Variants in CCDC136 observed in about 807,000 individuals in gnomAD.
CCDC136 encodes coiled-coil domain containing 136.
A neutral mutation model predicts 141.2 loss-of-function variants in CCDC136; 100 were observed. The observed-to-expected ratio is 0.71, with a 90% CI of 0.60 to 0.84. The LOEUF is 0.84. Ranked by LOEUF, CCDC136 falls within the 40% of genes least tolerant of loss-of-function variation. CCDC136 has a pLI of 0.00. For missense variants in CCDC136, 1,206 were observed against 1,379.4 expected, an observed-to-expected ratio of 0.87 and a Z score of 1.99; for synonymous variants, 474 against 531.9, an observed-to-expected ratio of 0.89 and a Z score of 1.50.
chr7:128,814,280 T>G (rs752801724), intron 14 of CCDC136, among the ~76,000 whole-genome samples: 11 of 152,040 alleles, frequency 7.2e-5, no homozygotes, highest in Non-Finnish European at 1.6e-4. Context: ...GACATGGGGT[T>G]TCACCATGTT....
At chr7:128,811,015 A>G (rs1340263949) in intron 12 of CCDC136, among the ~76,000 whole-genome samples, 1 of 152,170 alleles carries the variant, frequency 6.6e-6, no homozygotes, top group East Asian at 1.9e-4. Context: ...ATCACCATAC[A>G]ATTCTCTTCA....
Position 128,812,055 on chromosome 7 carries a change from T to TA in CCDC136, c.2285dup (p.Tyr762Ter). Residue 762 changes from tyrosine (Y) to a stop codon, truncating the protein, a stop_gained and frameshift_variant, in exon 13 of 18, where the codon TAT becomes TAAT. Transcript: ENST00000297788. LOFTEE classifies it high-confidence loss of function. ...VPSNENCRKT[Y>*]DTTVDDNESY... ...CAGCAATGAGAACTGTCGCAAGACT[T>TA]ATGATACCACTGTGGATGACAATGA... is the stretch of plus-strand genomic sequence containing the variant. The TA allele has an allele frequency of 1.2e-6, 2 of 1,614,024 alleles. No homozygotes were observed. The highest frequency in any genetic ancestry group is 1.7e-6 in the Non-Finnish European group (2 of 1,179,890).
intron 3 of CCDC136, among the ~76,000 whole-genome samples, chr7:128,799,418 T>C (rs1158108555): frequency 6.6e-6 from 1 of 151,950 alleles, no homozygotes; most frequent in Non-Finnish European, 1.5e-5. Flanking sequence ...AAAAGTTTGT[T>C]GAATAGATGA....
chr7:128,807,809 T>G, intron 10 of CCDC136: 1 of 254,576 alleles, frequency 3.9e-6, no homozygotes. Flanking sequence ...TATGTAGACA[T>G]TTATACAATG....
intron 1 of CCDC136, among the ~76,000 whole-genome samples, chr7:128,793,236 C>T (rs1802460357): frequency 6.6e-6 from 1 of 152,196 alleles, no homozygotes; most frequent in African/African-American, 2.4e-5. Context: ...GTGCTCACAA[C>T]CAGAGGCTGG....
At chr7:128,799,885 A>G (rs1365698380) in intron 3 of CCDC136, among the ~76,000 whole-genome samples, 1 of 152,218 alleles carries the variant, frequency 6.6e-6, no homozygotes, top group African/African-American at 2.4e-5. Flanking sequence ...AGATGGGTAC[A>G]TGTGTCTAGA....
At chr7:128,812,494 A>G (rs912369348) in intron 13 of CCDC136, among the ~76,000 whole-genome samples, 182 bp downstream of exon 13, 1 of 152,076 alleles carries the variant, frequency 6.6e-6, no homozygotes, top group African/African-American at 2.4e-5. Context: ...GCCCTCTCAT[A>G]GAGAGAATCC....
intron 12 of CCDC136, among the ~76,000 whole-genome samples, chr7:128,810,650 A>T (rs1281539728): frequency 1.3e-5 from 2 of 152,252 alleles, no homozygotes; most frequent in African/African-American, 4.8e-5. Context: ...AGCTGGGATG[A>T]CCAGAAGTCT....
Position 128,805,466 on chromosome 7 carries a change from A to G in CCDC136, c.890A>G (p.Gln297Arg). The G allele has an allele frequency of 6.2e-7, 1 of 1,613,988 alleles. No homozygotes were observed. Among genetic ancestry groups the G allele is most frequent in the Non-Finnish European group, 8.5e-7 (1 of 1,179,848 alleles). The change falls in exon 6 of 18, where the codon CAG becomes CGG. Residue 297 changes from glutamine (Q) to arginine (R), a missense_variant. Coordinates refer to ENST00000297788, the MANE Select transcript of CCDC136 (RefSeq NM_022742.5). The surrounding 1 kb of genome is among the most constrained non-coding windows in gnomAD (Gnocchi z 4.6). ...MDFLEPDPEM[Q>R]LLRQQLRDAE... is the part of the protein sequence containing the mutation. ...TTCTTAGAGCCTGATCCTGAAATGC[A>G]GTTGTTACGGCAGCAGCTACGGGAT...
At chr7:128,791,740 G>A, upstream of CCDC136, 1 of 417,042 alleles carries the variant, frequency 2.4e-6, no homozygotes, top group African/African-American at 2.0e-5. This position sits in a 1 kb window ranked among gnomAD's most constrained non-coding sequence, Gnocchi z 7.1. Context: ...AGGCTTCCGC[G>A]CACCGGCCGC....
chr7:128,797,039 C>T (rs1803140164), intron 3 of CCDC136, among the ~76,000 whole-genome samples: 1 of 152,070 alleles, frequency 6.6e-6, no homozygotes, highest in Non-Finnish European at 1.5e-5. Flanking sequence ...CCGCGCCCGG[C>T]CCAGAATATA....
chr7:128,812,966 G>C (rs749479967), intron 14 of CCDC136, 37 bp downstream of exon 14: 9 of 1,437,378 alleles, frequency 6.3e-6, no homozygotes, highest in Admixed American at 5.8e-5. Flanking sequence ...TCCTCTGGCA[G>C]CCCCTGGAGC....
rs1226943152 is a variant in CCDC136, at chr7:128,791,980, G to A, written c.-432G>A. 3 of 1,159,290 alleles carry A rather than the reference G, an allele frequency of 2.6e-6. No individual in the cohort carries two copies. In the East Asian group the frequency reaches 1.4e-4, roughly 55 times the overall value. The allele number at this position is 1,159,290 out of a possible 1,614,324, so 71.8% of individuals were successfully genotyped here. A position where few individuals can be genotyped will look rare whatever the true frequency, so the allele number is the denominator to read the frequency against. On this transcript the variant is annotated 5_prime_UTR_variant, in exon 1 of 18. Coordinates refer to ENST00000297788, the MANE Select transcript of CCDC136 (RefSeq NM_022742.5). This position sits in a 1 kb window ranked among gnomAD's most constrained non-coding sequence, Gnocchi z 7.1. ...CACTCCTCCCTCCCTCCATCTGTAGGCCACCTCAGCCTTTCAGCCTCTTCT... is the reference window on the plus strand; with the variant it reads ...CACTCCTCCCTCCCTCCATCTGTAGACCACCTCAGCCTTTCAGCCTCTTCT...
At chr7:128,795,358 C>T (rs1320583461) in intron 3 of CCDC136, among the ~76,000 whole-genome samples, 1 of 152,138 alleles carries the variant, frequency 6.6e-6, no homozygotes, top group Non-Finnish European at 1.5e-5. Context: ...CATTCCACCA[C>T]ACCACCAAAT....
At chr7:128,791,964 C>G (rs755006233), upstream of CCDC136, 39 of 1,136,262 alleles carry the variant, frequency 3.4e-5, 1 homozygote, top group Middle Eastern at 4.2e-3. The surrounding 1 kb of genome is among the most constrained non-coding windows in gnomAD (Gnocchi z 7.1). Context: ...CCACTCCTCC[C>G]TCCCTCCATC....
intron 10 of CCDC136, chr7:128,808,970 T>G: frequency 1.0e-6 from 1 of 985,252 alleles, no homozygotes; most frequent in African/African-American, 1.7e-5. Context: ...TTCTAAAGAT[T>G]TAAAGAGAGA....
chr7:128,807,513 A>C lies in CCDC136; in HGVS notation c.1573A>C (p.Ile525Leu). Residue 525 changes from isoleucine (I) to leucine (L), a missense_variant, in exon 10 of 18, where the codon ATT (isoleucine) becomes CTT (leucine). Transcript: ENST00000297788. ...GAAAGAGCTCAAGGCCTCCCACCCC[A>C]TTCCGGAGGACAAAGGAAAGTGTGC... ...ELKELKASHP[I>L]PEDKGKCANK... is the part of the protein sequence containing the mutation. 6.7e-7 allele frequency: 1 copy of C among 1,494,946 alleles called. No individual in the cohort carries two copies. The highest frequency in any genetic ancestry group is 9.0e-7 in the Non-Finnish European group (1 of 1,116,948). 92.6% of individuals were successfully genotyped at this position (1,494,946 alleles called of 1,614,324 possible). A position where few individuals can be genotyped will look rare whatever the true frequency, so the allele number is the denominator to read the frequency against.
intron 8 of CCDC136, 72 bp from the exon 9 acceptor site, chr7:128,806,616 C>T (rs1804876811): frequency 7.0e-7 from 1 of 1,422,062 alleles, no homozygotes; most frequent in Non-Finnish European, 9.5e-7. Context: ...TTGGTGTCTT[C>T]AAGTGACTCA....
intron 12 of CCDC136, chr7:128,811,299 C>CAGAGACCCTGGGA (rs11267939): frequency 6.6e-6 from 3 of 456,034 alleles, no homozygotes; most frequent in African/African-American, 4.0e-5. Flanking sequence ...AAGCCAGGCC[C>CAGAGACCCTGGGA]AACATGCCCA....
Sources: gnomAD v4.1 joint callset for allele counts (sites outside exome capture counted in the v4.1 genomes callset) on GRCh38, gnomAD v4.1.1 for gene constraint, Gnocchi (gnomAD v3.1) non-coding constraint, MANE v1.5 for transcripts, NCBI Gene and HGNC (gene_info 2026-07-23, HGNC 2026-07-21) for gene names.